The following RANBP9 variants were observed in gnomAD, a reference collection of about 807,000 sequenced individuals.
The protein encoded by RANBP9 is ran-binding protein 9.
A neutral mutation model predicts 84.3 loss-of-function variants in RANBP9; 15 were observed. That is an observed-to-expected ratio of 0.18 (90% CI 0.12 to 0.27). RANBP9 has a LOEUF of 0.27. RANBP9 is among the 10% of genes least tolerant of loss of function. The pLI is 1.00. For missense variants in RANBP9, 809 were observed against 912.8 expected (o/e 0.89, Z 1.46); for synonymous variants, 392 against 349.6 (o/e 1.12, Z -1.35).
intron 2 of RANBP9, among the ~76,000 whole-genome samples, chr6:13,660,745 A>T (rs759571770): frequency 2.0e-5 from 3 of 152,236 alleles, no homozygotes; most frequent in African/African-American, 7.2e-5. Flanking sequence ...CAATATTACT[A>T]CTATGAGCAT....
intron 2 of RANBP9, among the ~76,000 whole-genome samples, chr6:13,667,477 T>A (rs1174835747): frequency 6.6e-6 from 1 of 152,198 alleles, no homozygotes; most frequent in African/African-American, 2.4e-5. Context: ...AAAAACCTAT[T>A]TACAGTGATG....
intron 2 of RANBP9, among the ~76,000 whole-genome samples, chr6:13,679,658 A>T (rs921300394): frequency 7.9e-5 from 12 of 152,194 alleles, no homozygotes; most frequent in African/African-American, 2.4e-4. Context: ...GTTTTTCAAC[A>T]TATCCCTATA....
At chr6:13,639,485 T>C (rs772137245) in intron 9 of RANBP9, 78 bp downstream of exon 9, 2 of 1,445,850 alleles carry the variant, frequency 1.4e-6, no homozygotes, top group South Asian at 1.3e-5. Flanking sequence ...GCTGGAAATA[T>C]ACAGATTTTC....
At chr6:13,650,915 G>C (rs1765281438) in intron 5 of RANBP9, among the ~76,000 whole-genome samples, 1 of 152,090 alleles carries the variant, frequency 6.6e-6, no homozygotes, top group South Asian at 2.1e-4. Context: ...AGTGAGCCAA[G>C]ATCACACCAC....
intron 10 of RANBP9, among the ~76,000 whole-genome samples, chr6:13,636,395 G>A (rs1764940529): frequency 6.6e-6 from 1 of 152,206 alleles, no homozygotes; most frequent in African/African-American, 2.4e-5. Context: ...GCAGTTCAAA[G>A]TTGACTTTCT....
At chr6:13,691,822 C>T (rs539672974) in intron 2 of RANBP9, among the ~76,000 whole-genome samples, 5 of 152,200 alleles carry the variant, frequency 3.3e-5, no homozygotes, top group African/African-American at 7.2e-5. Context: ...CCTGCCACCA[C>T]GCCTGGCTAA....
At chr6:13,636,088 T>C (rs537756338) in intron 10 of RANBP9, among the ~76,000 whole-genome samples, 2 of 152,236 alleles carry the variant, frequency 1.3e-5, no homozygotes, top group East Asian at 3.9e-4. Context: ...CATCTGAACT[T>C]GAATTTTCTC....
At chr6:13,661,815 A>T (rs944202716) in intron 2 of RANBP9, among the ~76,000 whole-genome samples, 1 of 152,172 alleles carries the variant, frequency 6.6e-6, no homozygotes, top group Non-Finnish European at 1.5e-5. Context: ...GCATAATCTT[A>T]AAAGCTACCA....
chr6:13,677,337 TACTC>T (rs1390656309), intron 2 of RANBP9, among the ~76,000 whole-genome samples: 1 of 152,094 alleles, frequency 6.6e-6, no homozygotes, highest in African/African-American at 2.4e-5. Flanking sequence ...ACTGCTGAAA[TACTC>T]AAAGAAAAGC....
chr6:13,709,231 T>G (rs1459836624), intron 1 of RANBP9, among the ~76,000 whole-genome samples: 4 of 152,166 alleles, frequency 2.6e-5, no homozygotes, highest in African/African-American at 9.7e-5. Flanking sequence ...ATCTTAGACA[T>G]CACGGAAATT....
chr6:13,657,077 G>C, intron 4 of RANBP9, 32 bp downstream of exon 4: 1 of 1,532,532 alleles, frequency 6.5e-7, no homozygotes, highest in South Asian at 1.2e-5. Flanking sequence ...TCCATATTTG[G>C]TTATTTTGCA....
intron 1 of RANBP9, among the ~76,000 whole-genome samples, chr6:13,710,380 A>C (rs1467321871): frequency 6.6e-6 from 1 of 151,980 alleles, no homozygotes; most frequent in East Asian, 1.9e-4. Flanking sequence ...CTTTTACTAA[A>C]ATATATTGAT....
chr6:13,657,402 T>C (rs1297897275), intron 3 of RANBP9, 126 bp from the exon 4 acceptor site: 1 of 672,786 alleles, frequency 1.5e-6, no homozygotes, highest in African/African-American at 1.9e-5. Context: ...CCAATGTACA[T>C]TTAAATTCTC....
At chr6:13,671,260 G>C (rs1448048892) in intron 2 of RANBP9, among the ~76,000 whole-genome samples, 1 of 152,120 alleles carries the variant, frequency 6.6e-6, no homozygotes, top group African/African-American at 2.4e-5. Context: ...TCCTCAAAAA[G>C]TTAATCATAG....
At chr6:13,666,565 C>T (rs1363571312) in intron 2 of RANBP9, among the ~76,000 whole-genome samples, 2 of 130,726 alleles carry the variant, frequency 1.5e-5, no homozygotes, top group African/African-American at 5.9e-5. Context: ...CGCTTGAGTC[C>T]AGGAGTTCAA....
chr6:13,635,809 CTT>C lies in RANBP9; in HGVS notation c.1674-1259_1674-1258del, dbSNP rs776246178. Among the ~76,000 whole-genome samples, 408 of 139,856 alleles carry C rather than the reference CTT, an allele frequency of 2.9e-3. 2 individuals carry two copies. The highest frequency in any genetic ancestry group is 0.01 in the African/African-American group (388 of 38,284). The allele number at this position is 139,856 out of a possible 152,430, so 91.8% of individuals were successfully genotyped here. On this transcript the variant is annotated intron_variant, in intron 10 of 13. Transcript: ENST00000011619. The stretch of plus-strand genomic sequence containing the variant: ...CAGTGGCTTTTTAAAAAATACTAAA[CTT>C]TTTTTTTTTTTTTGATAACTCAGTT...
chr6:13,640,272 G>A (rs1562300747), intron 8 of RANBP9, among the ~76,000 whole-genome samples: 1 of 152,042 alleles, frequency 6.6e-6, no homozygotes, highest in African/African-American at 2.4e-5. Flanking sequence ...GTTGAAATCT[G>A]AAGCTCAGTA....
intron 5 of RANBP9, among the ~76,000 whole-genome samples, chr6:13,650,118 A>T (rs1765262666): frequency 6.6e-6 from 1 of 150,646 alleles, no homozygotes; most frequent in African/African-American, 2.4e-5. Context: ...TTCCATCACT[A>T]TTTACTAAAT....
At chr6:13,677,763 T>C (rs1309322988) in intron 2 of RANBP9, among the ~76,000 whole-genome samples, 1 of 152,166 alleles carries the variant, frequency 6.6e-6, no homozygotes, top group East Asian at 1.9e-4. Flanking sequence ...ATATTAAAAG[T>C]GATATATACC....
Sources: allele counts gnomAD v4.1 joint callset (sites outside exome capture counted in the v4.1 genomes callset), GRCh38; gene constraint gnomAD v4.1.1; transcripts MANE v1.5; gene names NCBI Gene and HGNC (gene_info 2026-07-23, HGNC 2026-07-21).